The following ACYP2 variants were observed in gnomAD, a reference collection of about 807,000 sequenced individuals.
ACYP2 encodes acylphosphatase-2.
ACYP2 carries 12 observed loss-of-function variants against 11.2 expected under a neutral mutation model. The ratio of observed to expected loss-of-function variants is 1.08; its 90% CI spans 0.69 to 1.74. The LOEUF (loss-of-function observed/expected upper bound fraction) is 1.74, where lower values mean the gene tolerates loss of function less well. Among genes scored for constraint, ACYP2 ranks in the 40% most tolerant of loss-of-function variants. The pLI, the probability that ACYP2 is intolerant of heterozygous loss-of-function variation, is 0.00. For synonymous variants in ACYP2, 43 were observed against 32.2 expected (o/e 1.33, Z -1.13); for missense variants, 134 against 101.9 (o/e 1.31, Z -1.35).
chr2:54,201,898 G>C (rs1394396318), intron 6 of ACYP2, among the ~76,000 whole-genome samples: 1 of 151,708 alleles, frequency 6.6e-6, no homozygotes, highest in Admixed American at 6.6e-5. Context: ...AGTAGAGACA[G>C]GGTTTCTCCA....
At chr2:54,258,158 G>T (rs1687636903) in intron 6 of ACYP2, among the ~76,000 whole-genome samples, 1 of 152,156 alleles carries the variant, frequency 6.6e-6, no homozygotes, top group African/African-American at 2.4e-5. Context: ...AACCAATATT[G>T]CACATTAGAA....
At chr2:54,039,307 G>C (rs1012369615) in intron 2 of ACYP2, among the ~76,000 whole-genome samples, 1 of 148,674 alleles carries the variant, frequency 6.7e-6, no homozygotes, top group Non-Finnish European at 1.5e-5. Context: ...TTTTTTGGCG[G>C]GGGGGGACAG....
At chr2:54,266,895 C>A (rs1173019040) in intron 6 of ACYP2, among the ~76,000 whole-genome samples, 1 of 152,042 alleles carries the variant, frequency 6.6e-6, no homozygotes, top group African/African-American at 2.4e-5. Flanking sequence ...AGGCATGAGC[C>A]ACCGCACCCG....
At chr2:54,254,737 A>C (rs972694779) in intron 6 of ACYP2, 1 of 602,038 alleles carries the variant, frequency 1.7e-6, no homozygotes, top group African/African-American at 1.8e-5. Context: ...GACCAGGTGA[A>C]AGGGGAGCAG....
intron 4 of ACYP2, chr2:54,079,875 A>C (rs1677552759): frequency 1.3e-5 from 2 of 150,858 alleles, no homozygotes. Flanking sequence ...AAATATCCCC[A>C]AATCTAAAAC....
intron 6 of ACYP2, among the ~76,000 whole-genome samples, chr2:54,266,826 T>C (rs1688051584): frequency 6.6e-6 from 1 of 151,836 alleles, no homozygotes; most frequent in South Asian, 2.1e-4. Flanking sequence ...AGCCAGGATG[T>C]TCTCAATCTC....
At chr2:53,975,754 C>A (rs1671446089) in intron 2 of ACYP2, among the ~76,000 whole-genome samples, 1 of 152,140 alleles carries the variant, frequency 6.6e-6, no homozygotes, top group South Asian at 2.1e-4. Flanking sequence ...ATCGCTTAAA[C>A]CCGGGAGGCA....
At chr2:54,250,572 A>T (rs373972613) in intron 6 of ACYP2, among the ~76,000 whole-genome samples, 2 of 152,250 alleles carry the variant, frequency 1.3e-5, no homozygotes, top group Non-Finnish European at 2.9e-5. Context: ...CAAGTCATCT[A>T]TATGGATGCC....
intron 4 of ACYP2, among the ~76,000 whole-genome samples, chr2:54,103,054 G>A (rs555740100): frequency 6.6e-6 from 1 of 152,324 alleles, no homozygotes; most frequent in South Asian, 2.1e-4. Context: ...ACAAGGGTAA[G>A]GGAAGGCATT....
At chr2:54,019,712 C>T (rs555288960) in intron 2 of ACYP2, among the ~76,000 whole-genome samples, 8 of 151,600 alleles carry the variant, frequency 5.3e-5, no homozygotes, top group South Asian at 4.2e-4. Flanking sequence ...CTCTGCCTCC[C>T]GGGTTCAAGC....
chr2:54,219,905 A>ATATATATTTTTTTTT (rs1288814375), intron 6 of ACYP2, among the ~76,000 whole-genome samples: 1 of 76,000 alleles, frequency 1.3e-5, no homozygotes, highest in African/African-American at 5.6e-5. Context: ...ATATATATAT[A>ATATATATTTTTTTTT]TTTTTTTTTT....
intron 2 of ACYP2, among the ~76,000 whole-genome samples, chr2:53,991,839 G>A (rs1046003182): frequency 7.9e-5 from 12 of 151,854 alleles, no homozygotes; most frequent in African/African-American, 2.7e-4. Flanking sequence ...TGTACAAGAT[G>A]GAGTGTAGTG....
At chr2:54,059,078 A>G (rs1676326882) in intron 4 of ACYP2, among the ~76,000 whole-genome samples, 1 of 152,156 alleles carries the variant, frequency 6.6e-6, no homozygotes, top group Non-Finnish European at 1.5e-5. Flanking sequence ...GCAGTTTTTT[A>G]TTAAGGTGAA....
At chr2:54,000,470 A>C (rs1672748488) in intron 2 of ACYP2, among the ~76,000 whole-genome samples, 1 of 152,158 alleles carries the variant, frequency 6.6e-6, no homozygotes, top group African/African-American at 2.4e-5. Flanking sequence ...CTCCATTTCT[A>C]AGGGGGAAGC....
intron 2 of ACYP2, among the ~76,000 whole-genome samples, chr2:53,982,828 C>CTGTG (rs3066946): frequency 0.078 from 10,920 of 140,436 alleles, 451 homozygotes; most frequent in Middle Eastern, 0.14. Context: ...TCACACAAGA[C>CTGTG]TGTGTGTGTG....
intron 4 of ACYP2, among the ~76,000 whole-genome samples, chr2:54,099,178 A>G (rs1012849760): frequency 2.0e-5 from 3 of 152,194 alleles, no homozygotes; most frequent in South Asian, 4.1e-4. Context: ...TAAAAATTGT[A>G]TACATTTATG....
In ACYP2 at chr2:54,113,553, TA is replaced by T. The variant is rs78893435; in HGVS notation, c.278-21889del. On this transcript the variant is annotated intron_variant, in intron 4 of 6. Coordinates refer to ENST00000607452, the MANE Select transcript of ACYP2 (RefSeq NM_001320586.2). ...GAGCCACCGTGCAGGCCAAGATACTTAAAAAAAAAAATTCTGTTTGAGGTTG... is the reference window on the plus strand; with the variant it reads ...GAGCCACCGTGCAGGCCAAGATACTTAAAAAAAAAATTCTGTTTGAGGTTG... 2.8e-3 allele frequency among the ~76,000 whole-genome samples: 414 copies of T among 149,188 alleles called. 1 individual carries two copies. Among genetic ancestry groups the T allele is most frequent in the African/African-American group, 9.8e-3 (398 of 40,792 alleles).
intron 6 of ACYP2, among the ~76,000 whole-genome samples, chr2:54,231,877 T>G (rs543803410): frequency 6.6e-6 from 1 of 152,332 alleles, no homozygotes; most frequent in East Asian, 1.9e-4. Flanking sequence ...TATCGGGCGC[T>G]GTACTAAGTG....
chr2:54,214,323 C>T (rs188115393), intron 6 of ACYP2, among the ~76,000 whole-genome samples: 5 of 152,254 alleles, frequency 3.3e-5, no homozygotes, highest in Admixed American at 6.5e-5. Context: ...CCAGGGCCTA[C>T]GTCTAGAATC....
Sources: allele counts gnomAD v4.1 joint callset (sites outside exome capture counted in the v4.1 genomes callset), GRCh38; gene constraint gnomAD v4.1.1; transcripts MANE v1.5; gene names NCBI Gene and HGNC (gene_info 2026-07-23, HGNC 2026-07-21).